RPS6KC1: variants seen among roughly 807,000 people sequenced by gnomAD.
RPS6KC1 encodes the protein ribosomal protein S6 kinase C1, also known as inactive ribosomal protein S6 kinase delta-1.
A neutral mutation model predicts 103.8 loss-of-function variants in RPS6KC1; 54 were observed. The ratio of observed to expected loss-of-function variants is 0.52; its 90% confidence interval spans 0.42 to 0.65. The LOEUF (loss-of-function observed/expected upper bound fraction) is 0.65. Among genes scored for constraint, RPS6KC1 ranks in the 30% least tolerant of loss-of-function variants. RPS6KC1 has a pLI of 0.00. For synonymous variants in RPS6KC1, 439 were observed against 438.7 expected, an observed-to-expected ratio of 1.00 and a Z score of -0.01; for missense variants, 1,151 against 1,253.8, an observed-to-expected ratio of 0.92 and a Z score of 1.24.
At chr1:213,321,574 T>C in the RPS6KC1 span, among the ~76,000 whole-genome samples, 1 of 152,198 alleles carries the variant, frequency 6.6e-6, no homozygotes, top group South Asian at 2.1e-4. Context: ...TTATTAATTA[T>C]AGCAGGTATT....
At chr1:213,493,007 G>C in the RPS6KC1 span, among the ~76,000 whole-genome samples, 1 of 152,196 alleles carries the variant, frequency 6.6e-6, no homozygotes, top group African/African-American at 2.4e-5. Flanking sequence ...GCATGCTGCT[G>C]GTAGAGATCG....
chr1:213,330,633 C>T, the RPS6KC1 span, among the ~76,000 whole-genome samples: 3 of 152,184 alleles, frequency 2.0e-5, no homozygotes, highest in Non-Finnish European at 2.9e-5. Flanking sequence ...AGTATGATCA[C>T]TGGAACAATA....
At chr1:213,154,646 G>A (rs2089662906) in intron 6 of RPS6KC1, among the ~76,000 whole-genome samples, 1 of 152,186 alleles carries the variant, frequency 6.6e-6, no homozygotes, top group South Asian at 2.1e-4. Context: ...ACCCTTGAGG[G>A]TAGTGGGTTC....
chr1:213,708,213 C>G, the RPS6KC1 span, among the ~76,000 whole-genome samples: 2 of 151,994 alleles, frequency 1.3e-5, no homozygotes, highest in Non-Finnish European at 2.9e-5. Flanking sequence ...CTCTTATTTC[C>G]TTGAGCAGTT....
the RPS6KC1 span, among the ~76,000 whole-genome samples, chr1:213,760,130 G>A: frequency 6.6e-6 from 1 of 150,944 alleles, no homozygotes; most frequent in African/African-American, 2.5e-5. Flanking sequence ...TCCTTCTTCT[G>A]GAAAAAAGGG....
the RPS6KC1 span, among the ~76,000 whole-genome samples, chr1:213,402,565 G>A: frequency 1.3e-5 from 2 of 152,172 alleles, no homozygotes; most frequent in Non-Finnish European, 2.9e-5. Flanking sequence ...AGGTAGGGAG[G>A]TTCCAGGTAG....
At chr1:213,056,690 G>T (rs1222449981) in intron 1 of RPS6KC1, among the ~76,000 whole-genome samples, 3 of 152,156 alleles carry the variant, frequency 2.0e-5, no homozygotes, top group African/African-American at 7.2e-5. Flanking sequence ...CAGCCTGCTT[G>T]TGCCTGGGAA....
the RPS6KC1 span, among the ~76,000 whole-genome samples, chr1:213,647,270 G>T: frequency 1.3e-5 from 2 of 152,078 alleles, no homozygotes; most frequent in Non-Finnish European, 2.9e-5. Context: ...TACTTATGGG[G>T]TCCTTGCAGT....
the RPS6KC1 span, among the ~76,000 whole-genome samples, chr1:213,614,248 T>G: frequency 6.6e-6 from 1 of 152,178 alleles, no homozygotes; most frequent in African/African-American, 2.4e-5. Context: ...TTCTAGTTTC[T>G]TTAGGAATTA....
chr1:213,793,972 C>T, the RPS6KC1 span, among the ~76,000 whole-genome samples: 6 of 151,944 alleles, frequency 3.9e-5, no homozygotes, highest in African/African-American at 1.5e-4. Context: ...CTGTGTCTTT[C>T]GACTTCAAGG....
the RPS6KC1 span, among the ~76,000 whole-genome samples, chr1:213,540,164 G>A: frequency 6.6e-6 from 1 of 152,138 alleles, no homozygotes; most frequent in Admixed American, 6.5e-5. Context: ...CCTGGCTAGA[G>A]TGCAGTGGTG....
intron 5 of RPS6KC1, among the ~76,000 whole-genome samples, chr1:213,128,208 G>C (rs1432905614): frequency 6.6e-6 from 1 of 152,198 alleles, no homozygotes; most frequent in African/African-American, 2.4e-5. Flanking sequence ...GCTATCTGCT[G>C]TTAATCCAGA....
chr1:213,245,298 T>A (rs988667315), intron 12 of RPS6KC1, among the ~76,000 whole-genome samples: 1 of 152,146 alleles, frequency 6.6e-6, no homozygotes, highest in Admixed American at 6.5e-5. Flanking sequence ...ACTACATGGG[T>A]CATAGATTGT....
the RPS6KC1 span, among the ~76,000 whole-genome samples, chr1:213,719,700 G>A: frequency 2.0e-5 from 3 of 152,162 alleles, no homozygotes; most frequent in African/African-American, 4.8e-5. Context: ...AGGACCTACT[G>A]CCAGTGATCC....
At chr1:213,492,643 A>G in the RPS6KC1 span, 1 of 152,244 alleles carries the variant, frequency 6.6e-6, no homozygotes, top group Non-Finnish European at 1.5e-5. Context: ...TTTGAATGTC[A>G]TATAATAGGC....
chr1:213,496,803 C>T, the RPS6KC1 span, among the ~76,000 whole-genome samples: 2 of 152,176 alleles, frequency 1.3e-5, no homozygotes, highest in Non-Finnish European at 2.9e-5. Flanking sequence ...TATGTTGGAG[C>T]TTGCTCCTGA....
intron 6 of RPS6KC1, among the ~76,000 whole-genome samples, chr1:213,151,581 C>G (rs1436970748): frequency 1.1e-5 from 1 of 88,072 alleles, no homozygotes; most frequent in East Asian, 3.4e-4. Context: ...CCGGATGGGG[C>G]GGCTGGCCGG....
the RPS6KC1 span, among the ~76,000 whole-genome samples, chr1:213,337,781 T>C: frequency 6.6e-6 from 1 of 152,198 alleles, no homozygotes; most frequent in South Asian, 2.1e-4. Context: ...GGGTTAGGGA[T>C]GATACAGCTC....
At chr1:213,741,649 C>G in the RPS6KC1 span, among the ~76,000 whole-genome samples, 6 of 152,114 alleles carry the variant, frequency 3.9e-5, no homozygotes, top group African/African-American at 1.4e-4. Flanking sequence ...AGAGGTGACA[C>G]GAGCATAATA....
Sources: allele counts gnomAD v4.1 joint callset (sites outside exome capture counted in the v4.1 genomes callset), GRCh38; gene constraint gnomAD v4.1.1; transcripts MANE v1.5; gene names NCBI Gene and HGNC (gene_info 2026-07-23, HGNC 2026-07-21).